SMARCC1: variants seen among roughly 807,000 people sequenced by gnomAD.
SMARCC1 encodes SWI/SNF complex subunit SMARCC1.
In SMARCC1, 43 loss-of-function variants were observed where a neutral mutation model predicts 147.4. The observed-to-expected ratio is 0.29, with a 90% confidence interval of 0.23 to 0.38. The LOEUF (loss-of-function observed/expected upper bound fraction) is 0.38. Ranked by LOEUF, SMARCC1 falls within the 10% of genes least tolerant of loss-of-function variation. The pLI, the probability that SMARCC1 is intolerant of heterozygous loss-of-function variation, is 1.00. For synonymous variants in SMARCC1, 495 were observed against 484.4 expected (o/e 1.02, Z -0.29); for missense variants, 1,119 against 1,381.1 (o/e 0.81, Z 3.01).
chr3:47,682,247 A>G (rs915630541), intron 14 of SMARCC1, among the ~76,000 whole-genome samples: 3 of 149,980 alleles, frequency 2.0e-5, no homozygotes, highest in African/African-American at 7.4e-5. Flanking sequence ...GTGAGCCGAT[A>G]TCGCGCCACT....
At chr3:47,762,084 C>T (rs1016252977) in intron 2 of SMARCC1, among the ~76,000 whole-genome samples, 2 of 152,138 alleles carry the variant, frequency 1.3e-5, no homozygotes, top group African/African-American at 2.4e-5. Context: ...GCCCAGCTTG[C>T]TTTCTCCTAT....
chr3:47,626,141 C>T (rs1312449795), intron 24 of SMARCC1, among the ~76,000 whole-genome samples: 1 of 149,376 alleles, frequency 6.7e-6, no homozygotes, highest in South Asian at 2.1e-4. Context: ...GGTGACAGAG[C>T]GAGGCCCCGT....
At chr3:47,711,962 G>A (rs928869500) in intron 8 of SMARCC1, among the ~76,000 whole-genome samples, 5 of 152,240 alleles carry the variant, frequency 3.3e-5, no homozygotes, top group Admixed American at 1.3e-4. Flanking sequence ...GCCGGGCGTG[G>A]TGGTTCATGC....
intron 24 of SMARCC1, among the ~76,000 whole-genome samples, chr3:47,623,536 AGAGGTGACAAT>A (rs1202238502): frequency 6.6e-6 from 1 of 152,228 alleles, no homozygotes; most frequent in Non-Finnish European, 1.5e-5. Context: ...AATGTAGACA[AGAGGTGACAAT>A]GAGGTTTTAT....
In SMARCC1 at chr3:47,745,897, C is replaced by G. The variant is rs778411187; in HGVS notation, c.401+11G>C. 1.0e-5 allele frequency: 15 copies of G among 1,501,162 alleles called. No homozygotes were observed. The South Asian group carries it at 1.9e-4, about 19-fold the overall frequency. The allele number at this position is 1,501,162 out of a possible 1,614,324, so 93.0% of individuals were successfully genotyped here. On this transcript the variant is annotated intron_variant, in intron 3 of 27. Transcript: ENST00000254480. ...TAAGATCAAAACATGCAAACAAATACAAAAACTTACCATCCCTGTTCATTT... is the reference window on the plus strand; with the variant it reads ...TAAGATCAAAACATGCAAACAAATAGAAAAACTTACCATCCCTGTTCATTT...
intron 14 of SMARCC1, among the ~76,000 whole-genome samples, chr3:47,684,239 C>CAAA (rs759227252): frequency 2.0e-4 from 10 of 49,520 alleles, no homozygotes; most frequent in African/African-American, 4.3e-4. Flanking sequence ...GACTCCGTCT[C>CAAA]AAAAAAAAAA....
chr3:47,616,367 C>T (rs1270722133), intron 25 of SMARCC1, among the ~76,000 whole-genome samples: 1 of 152,138 alleles, frequency 6.6e-6, no homozygotes, highest in Non-Finnish European at 1.5e-5. Flanking sequence ...ACTGCCTTTC[C>T]TTTAATATTA....
chr3:47,685,067 C>T (rs967834288), intron 14 of SMARCC1, among the ~76,000 whole-genome samples: 2 of 152,152 alleles, frequency 1.3e-5, no homozygotes, highest in African/African-American at 2.4e-5. Context: ...TTAAAGGAAG[C>T]GCTTTATACA....
intron 19 of SMARCC1, chr3:47,670,358 G>T (rs953393375): frequency 5.8e-6 from 2 of 344,984 alleles, no homozygotes; most frequent in East Asian, 1.1e-4. Flanking sequence ...GCCAAGGTGG[G>T]AGGATTGCTT....
At chr3:47,661,219 A>G (rs2033342207) in intron 21 of SMARCC1, 75 bp downstream of exon 21, 3 of 1,308,526 alleles carry the variant, frequency 2.3e-6, no homozygotes, top group South Asian at 1.5e-5. Context: ...GTGCAAGTAA[A>G]CCCAATTATT....
intron 24 of SMARCC1, among the ~76,000 whole-genome samples, chr3:47,626,972 A>G (rs1029294012): frequency 6.6e-6 from 1 of 152,188 alleles, no homozygotes; most frequent in Non-Finnish European, 1.5e-5. Context: ...AAACCTACCT[A>G]TGAAGTTAAT....
intron 3 of SMARCC1, among the ~76,000 whole-genome samples, chr3:47,745,126 G>A (rs999514056): frequency 2.0e-5 from 3 of 152,064 alleles, no homozygotes; most frequent in African/African-American, 4.8e-5. Flanking sequence ...AAATTAGCTG[G>A]GCATGTGGTG....
intron 27 of SMARCC1, among the ~76,000 whole-genome samples, 194 bp from the exon 28 acceptor site, chr3:47,588,500 C>T (rs1018514951): frequency 6.6e-6 from 1 of 152,132 alleles, no homozygotes; most frequent in Non-Finnish European, 1.5e-5. Flanking sequence ...GCTCAAGTTG[C>T]TTAGCCTAAC....
chr3:47,754,694 G>A (rs559054970), intron 2 of SMARCC1, among the ~76,000 whole-genome samples: 9 of 151,992 alleles, frequency 5.9e-5, no homozygotes, highest in Admixed American at 1.3e-4. Flanking sequence ...AAAAATCAAA[G>A]GGAGGAAAAA....
chr3:47,682,464 G>C (rs1189021020), intron 14 of SMARCC1, among the ~76,000 whole-genome samples: 7 of 152,038 alleles, frequency 4.6e-5, no homozygotes, highest in Admixed American at 4.6e-4. Context: ...ATTTTTTGTA[G>C]AGACGGGTAT....
intron 11 of SMARCC1, among the ~76,000 whole-genome samples, chr3:47,700,715 G>A (rs2033907520): frequency 6.6e-6 from 1 of 152,092 alleles, no homozygotes; most frequent in Non-Finnish European, 1.5e-5. Context: ...AGTAGAGATG[G>A]GGTTTCACCA....
intron 21 of SMARCC1, among the ~76,000 whole-genome samples, chr3:47,650,325 A>G (rs1190937785): frequency 3.4e-5 from 5 of 148,098 alleles, no homozygotes; most frequent in Non-Finnish European, 7.4e-5. Context: ...TTATTCAAGA[A>G]AAAAATAAAA....
intron 2 of SMARCC1, among the ~76,000 whole-genome samples, chr3:47,752,602 A>G (rs1346036194): frequency 1.3e-5 from 2 of 152,132 alleles, no homozygotes; most frequent in South Asian, 2.1e-4. Flanking sequence ...CCTGAGCAAC[A>G]TAACAGAGCG....
chr3:47,624,135 T>TA (rs1214622878), intron 24 of SMARCC1, among the ~76,000 whole-genome samples: 1 of 151,476 alleles, frequency 6.6e-6, no homozygotes, highest in Non-Finnish European at 1.5e-5. Context: ...TACTAAAAAT[T>TA]AAAAAATTAG....
Sources: allele counts gnomAD v4.1 joint callset (sites outside exome capture counted in the v4.1 genomes callset), GRCh38; gene constraint gnomAD v4.1.1; transcripts MANE v1.5; gene names NCBI Gene and HGNC (gene_info 2026-07-23, HGNC 2026-07-21).